Variants in TM4SF20 observed in about 807,000 individuals in gnomAD.
The protein encoded by TM4SF20 is transmembrane 4 L6 family member 20.
A neutral mutation model predicts 15.1 loss-of-function variants in TM4SF20; 13 were observed. The ratio of observed to expected loss-of-function variants is 0.86; its 90% CI spans 0.56 to 1.36. TM4SF20 has a LOEUF of 1.36. TM4SF20 is among the 40% of genes most tolerant of loss of function. The probability of loss-of-function intolerance (pLI) is 0.00; values close to 1 mark genes in which losing one functional copy is unlikely to be tolerated. For missense variants in TM4SF20, 282 were observed against 268.4 expected (o/e 1.05, Z -0.35); for synonymous variants, 92 against 96.6 (o/e 0.95, Z 0.28).
chr2:227,379,285 G>T lies in TM4SF20; in HGVS notation c.-17C>A. ...GCAGGTCATGGTCACCCCTGGCTCA[G>T]AAACGTTGTCAAAGTGGCTATGCTT... On this transcript the variant is annotated 5_prime_UTR_variant, in exon 1 of 4. It adds an upstream start codon to the 5' untranslated region. Coordinates refer to ENST00000304568, the MANE Select transcript of TM4SF20 (RefSeq NM_024795.4). The T allele has an allele frequency of 6.2e-7, 1 of 1,610,516 alleles. No homozygotes were observed. The highest frequency in any genetic ancestry group is 2.2e-5 in the East Asian group (1 of 44,842).
intron 1 of TM4SF20, among the ~76,000 whole-genome samples, chr2:227,371,219 A>C (rs923785058): frequency 6.6e-6 from 1 of 152,218 alleles, no homozygotes; most frequent in African/African-American, 2.4e-5. Context: ...TTCTATCTAC[A>C]TTCTTAGTTC....
chr2:227,375,553 G>A (rs563665852), intron 1 of TM4SF20, among the ~76,000 whole-genome samples: 2 of 152,100 alleles, frequency 1.3e-5, no homozygotes, highest in Non-Finnish European at 2.9e-5. Context: ...ACAGTGGCGC[G>A]ATCTCAGCTT....
In TM4SF20 at chr2:227,362,265, GGTTTTTCTAGGTATT is replaced by G. The variant is rs2076365403; in HGVS notation, c.*1444_*1458del. 6.6e-6 allele frequency: 1 copy of G among 151,948 alleles called. No individual in the cohort carries two copies. The highest frequency in any genetic ancestry group is 1.5e-5 in the Non-Finnish European group (1 of 67,988). The allele number at this position is 151,948 out of a possible 1,614,324, so 9.4% of individuals were successfully genotyped here. A position where few individuals can be genotyped will look rare whatever the true frequency, so the allele number is the denominator to read the frequency against. Reference sequence around the variant, plus strand: ...TAGAAAATAGCTTTTGAAAGTCTTGGGTTTTTCTAGGTATTGTTTTTTAATTAATGAATAATGTAA... The same window carrying G: ...TAGAAAATAGCTTTTGAAAGTCTTGGGTTTTTTAATTAATGAATAATGTAA... On this transcript the variant is annotated 3_prime_UTR_variant, in exon 4 of 4. Transcript: ENST00000304568.
In TM4SF20 at chr2:227,364,014, T is replaced by C. The variant is rs749325222; in HGVS notation, c.402-2A>G. On this transcript the variant is annotated splice_acceptor_variant, in intron 3 of 3. Coordinates refer to ENST00000304568, the MANE Select transcript of TM4SF20 (RefSeq NM_024795.4). LOFTEE classifies it high-confidence loss of function. ...TTGAAGGATTCTGGATGAATGTCAC[T>C]GAAAAACAAAAGATAAAAATCAGAT... 6.2e-7 allele frequency: 1 copy of C among 1,601,382 alleles called. No homozygotes were observed. Among genetic ancestry groups the C allele is most frequent in the Non-Finnish European group, 8.5e-7 (1 of 1,173,536 alleles).
In TM4SF20 at chr2:227,363,844, T is replaced by C. The variant is rs752116480; in HGVS notation, c.570A>G (p.Ser190=). The C allele has an allele frequency of 1.9e-6, 3 of 1,614,120 alleles. No homozygotes were observed. Among genetic ancestry groups the C allele is most frequent in the Non-Finnish European group, 2.5e-6 (3 of 1,180,034 alleles). ...EENKHRLIHF[S]VFLGLLLVGI... ...CAACAAGCAATAGACCTAAAAATAC[T>C]GAGAAGTGGATAAGCCTATGTTTGT... The change falls in exon 4 of 4, where the codon TCA becomes TCG. Residue 190 remains serine (S), a synonymous_variant. Transcript: ENST00000304568.
At chr2:227,378,083 TAC>T (rs34997009) in intron 1 of TM4SF20, among the ~76,000 whole-genome samples, 7 of 144,814 alleles carry the variant, frequency 4.8e-5, no homozygotes, top group East Asian at 2.1e-4. Context: ...CTCTCTGTCT[TAC>T]ACACACACAC....
intron 1 of TM4SF20, 73 bp downstream of exon 1, chr2:227,379,013 G>T: frequency 6.8e-7 from 1 of 1,478,990 alleles, no homozygotes; most frequent in Non-Finnish European, 9.3e-7. Flanking sequence ...CTGCAAGACT[G>T]GAAGACAGCT....
chr2:227,374,536 C>T (rs1180593446), intron 1 of TM4SF20, among the ~76,000 whole-genome samples: 1 of 152,122 alleles, frequency 6.6e-6, no homozygotes, highest in African/African-American at 2.4e-5. Flanking sequence ...ATTTCCTAAG[C>T]ATATTTGAAT....
chr2:227,374,539 A>T (rs2076437886), intron 1 of TM4SF20, among the ~76,000 whole-genome samples: 1 of 152,146 alleles, frequency 6.6e-6, no homozygotes, highest in Non-Finnish European at 1.5e-5. Flanking sequence ...TCCTAAGCAT[A>T]TTTGAATGCC....
chr2:227,377,793 G>A (rs886935076), intron 1 of TM4SF20, among the ~76,000 whole-genome samples: 2 of 152,098 alleles, frequency 1.3e-5, no homozygotes, highest in Non-Finnish European at 2.9e-5. Flanking sequence ...GCACATAAAA[G>A]GGAACAACAC....
chr2:227,364,603 T>A (rs970807147), intron 3 of TM4SF20, among the ~76,000 whole-genome samples: 2 of 152,212 alleles, frequency 1.3e-5, no homozygotes, highest in Non-Finnish European at 2.9e-5. Flanking sequence ...AATGGAATGT[T>A]CTTAGGGAGT....
intron 2 of TM4SF20, 122 bp downstream of exon 2, chr2:227,370,793 T>G (rs879740385): frequency 1.2e-6 from 1 of 800,952 alleles, no homozygotes; most frequent in Non-Finnish European, 2.2e-6. Context: ...TTTCTAAGGC[T>G]GTGGCTCTGT....
chr2:227,363,005 T>A lies in TM4SF20; in HGVS notation c.*719A>T, dbSNP rs1158156659. 1 of 152,212 alleles carries A rather than the reference T, an allele frequency of 6.6e-6. No individual in the cohort carries two copies. Among genetic ancestry groups the A allele is most frequent in the Non-Finnish European group, 1.5e-5 (1 of 68,048 alleles). The allele number at this position is 152,212 out of a possible 1,614,324, so 9.4% of individuals were successfully genotyped here. A position where few individuals can be genotyped will look rare whatever the true frequency, so the allele number is the denominator to read the frequency against. ...TTTCCTGTTGAAAATTGGGCCATTC[T>A]GTGCCCGCTGACCCACTTTTTGGAT... On this transcript the variant is annotated 3_prime_UTR_variant, in exon 4 of 4. Transcript: ENST00000304568.
chr2:227,380,970 G>A (rs984615059), upstream of TM4SF20, among the ~76,000 whole-genome samples: 2 of 152,116 alleles, frequency 1.3e-5, no homozygotes, highest in East Asian at 1.9e-4. Context: ...TTGTATAAAA[G>A]GATTAAAAAT....
At chr2:227,378,013 G>A (rs537956818) in intron 1 of TM4SF20, among the ~76,000 whole-genome samples, 84 of 151,286 alleles carry the variant, frequency 5.6e-4, no homozygotes, top group African/African-American at 1.9e-3. Flanking sequence ...AGTCACCTCC[G>A]TGTTTTATTA....
chr2:227,371,665 C>A (rs554520765), intron 1 of TM4SF20, among the ~76,000 whole-genome samples: 2 of 152,168 alleles, frequency 1.3e-5, no homozygotes, highest in African/African-American at 4.8e-5. Flanking sequence ...TCTGGCAAAC[C>A]TGCAGAAAAG....
Position 227,363,874 on chromosome 2 carries a change from T to C in TM4SF20, c.540A>G (p.Glu180=). 1.6e-5 allele frequency: 26 copies of C among 1,614,172 alleles called. No homozygotes were observed. The highest frequency in any genetic ancestry group is 2.2e-5 in the Non-Finnish European group (26 of 1,180,030). ...WRASSFHFDS[E]ENKHRLIHFS... is the part of the protein sequence containing the mutation. ...AGTGGATAAGCCTATGTTTGTTTTC[T>C]TCAGAATCGAAGTGGAAACTAGATG... is the stretch of plus-strand genomic sequence containing the variant. Residue 180 remains glutamate, a synonymous_variant, in exon 4 of 4, where the codon GAA becomes GAG. Transcript: ENST00000304568.
At chr2:227,365,817 CTG>C (rs2076389865) in intron 3 of TM4SF20, among the ~76,000 whole-genome samples, 1 of 152,080 alleles carries the variant, frequency 6.6e-6, no homozygotes, top group Non-Finnish European at 1.5e-5. Context: ...ACATATGTAA[CTG>C]TAGATTTTTG....
At position 227,363,415 on chromosome 2, in the gene TM4SF20, CAAAAA is replaced by C. The variant is rs5839210; in HGVS notation, c.*304_*308del. 2.0e-4 allele frequency: 28 copies of C among 139,930 alleles called. No homozygotes were observed. The highest frequency in any genetic ancestry group is 6.2e-4 in the East Asian group (3 of 4,866). The allele number at this position is 139,930 out of a possible 1,614,324, so 8.7% of individuals were successfully genotyped here. Reference sequence around the variant, plus strand: ...TCCAGCCTTTTTTGAGACCCTGTCTCAAAAAAAAAAAAAAAAAGTCCTGTACTTTT... The same window carrying C: ...TCCAGCCTTTTTTGAGACCCTGTCTCAAAAAAAAAAAAGTCCTGTACTTTT... On this transcript the variant is annotated 3_prime_UTR_variant, in exon 4 of 4. Coordinates refer to ENST00000304568, the MANE Select transcript of TM4SF20 (RefSeq NM_024795.4).
Sources: gnomAD v4.1 joint callset for allele counts (sites outside exome capture counted in the v4.1 genomes callset) on GRCh38, gnomAD v4.1.1 for gene constraint, MANE v1.5 for transcripts, NCBI Gene and HGNC (gene_info 2026-07-23, HGNC 2026-07-21) for gene names.